LRRC37A2: variants seen among roughly 807,000 people sequenced by gnomAD.
LRRC37A2 encodes leucine rich repeat containing 37 member A2.
LRRC37A2 carries 9 observed loss-of-function variants against 68.8 expected under a neutral mutation model. That is an observed-to-expected ratio of 0.13 (90% confidence interval 0.08 to 0.23). LRRC37A2 has a LOEUF of 0.23. Ranked by LOEUF, LRRC37A2 falls within the 10% of genes least tolerant of loss-of-function variation. The pLI, the probability that LRRC37A2 is intolerant of heterozygous loss-of-function variation, is 1.00. For missense variants in LRRC37A2, 168 were observed against 950.4 expected, an observed-to-expected ratio of 0.18 and a Z score of 10.82; for synonymous variants, 63 against 367.6, an observed-to-expected ratio of 0.17 and a Z score of 9.48.
chr17:46,857,627 G>A, the LRRC37A2 span, among the ~76,000 whole-genome samples: 1 of 152,170 alleles, frequency 6.6e-6, no homozygotes, highest in African/African-American at 2.4e-5. Flanking sequence ...TGTTGGATCA[G>A]ATGGTTGATA....
At chr17:46,906,636 C>T in the LRRC37A2 span, among the ~76,000 whole-genome samples, 1 of 152,222 alleles carries the variant, frequency 6.6e-6, no homozygotes, top group Non-Finnish European at 1.5e-5. Flanking sequence ...ATCATGTGCC[C>T]TTTATAATTA....
chr17:46,865,070 C>T, the LRRC37A2 span, among the ~76,000 whole-genome samples: 6 of 152,182 alleles, frequency 3.9e-5, no homozygotes, highest in Admixed American at 1.3e-4. Context: ...GGGGACCCTC[C>T]GCAGCCACTG....
the LRRC37A2 span, chr17:46,941,054 G>A: frequency 9.2e-7 from 1 of 1,083,462 alleles, no homozygotes; most frequent in Non-Finnish European, 1.1e-6. Flanking sequence ...AGAAACTCCG[G>A]TAGCCAGCCT....
At chr17:46,946,461 CAAAAAAA>C in the LRRC37A2 span, among the ~76,000 whole-genome samples, 1 of 98,994 alleles carries the variant, frequency 1.0e-5, no homozygotes, top group African/African-American at 4.2e-5. Context: ...AACTCCGTCT[CAAAAAAA>C]AAAAAAAAAA....
the LRRC37A2 span, among the ~76,000 whole-genome samples, chr17:46,933,960 A>G: frequency 6.6e-6 from 1 of 151,214 alleles, no homozygotes; most frequent in Non-Finnish European, 1.5e-5. Flanking sequence ...AAAAAACACG[A>G]AACAAACCCC....
exon 10 of LRRC37A2, chr17:46,548,943 G>T: frequency 6.2e-7 from 1 of 1,612,514 alleles, no homozygotes; most frequent in Non-Finnish European, 8.5e-7. Flanking sequence ...TACCACAGGT[G>T]AGAGACAGAT....
At chr17:46,469,623 G>T in the LRRC37A2 span, among the ~76,000 whole-genome samples, 1 of 62,824 alleles carries the variant, frequency 1.6e-5, no homozygotes, top group African/African-American at 5.7e-5. Flanking sequence ...TTATTCAGTT[G>T]TGTATATCTT....
chr17:46,727,883 C>T, the LRRC37A2 span, among the ~76,000 whole-genome samples: 1 of 152,220 alleles, frequency 6.6e-6, no homozygotes, highest in African/African-American at 2.4e-5. Flanking sequence ...TGAGCCCTTC[C>T]TCCTCTGGTA....
At chr17:46,875,613 C>A in the LRRC37A2 span, among the ~76,000 whole-genome samples, 256 of 152,314 alleles carry the variant, frequency 1.7e-3, 2 homozygotes, top group Non-Finnish European at 5.0e-4. Flanking sequence ...GCAGTGGTCA[C>A]CAGTGGGAGC....
chr17:46,930,633 T>G, the LRRC37A2 span: 1 of 157,442 alleles, frequency 6.4e-6, no homozygotes, highest in South Asian at 1.7e-4. Flanking sequence ...CACATACTAA[T>G]CTTCCCCTTC....
chr17:46,794,861 G>A, the LRRC37A2 span, among the ~76,000 whole-genome samples: 1 of 149,232 alleles, frequency 6.7e-6, no homozygotes, highest in African/African-American at 2.5e-5. Context: ...AGTGATTCTC[G>A]TGCCTCAGCC....
the LRRC37A2 span, among the ~76,000 whole-genome samples, chr17:46,751,137 G>A: frequency 6.6e-6 from 1 of 152,140 alleles, no homozygotes; most frequent in Non-Finnish European, 1.5e-5. Flanking sequence ...GACAGCTTTT[G>A]TGCAGAAGCT....
At chr17:46,467,194 A>G in the LRRC37A2 span, among the ~76,000 whole-genome samples, 40 of 57,420 alleles carry the variant, frequency 7.0e-4, 2 homozygotes, top group Non-Finnish European at 1.4e-3. Flanking sequence ...TTGATGAGTA[A>G]TGATGTAATT....
the LRRC37A2 span, among the ~76,000 whole-genome samples, chr17:46,834,221 C>T: frequency 3.2e-3 from 494 of 152,208 alleles, 4 homozygotes; most frequent in Non-Finnish European, 5.2e-3. Context: ...AAATGTCTTA[C>T]TTCCAGAGGG....
chr17:46,768,011 C>T, the LRRC37A2 span, among the ~76,000 whole-genome samples: 2 of 152,214 alleles, frequency 1.3e-5, no homozygotes, highest in Admixed American at 1.3e-4. This position sits in a 1 kb window ranked among gnomAD's most constrained non-coding sequence, Gnocchi z 5.0. Flanking sequence ...CGGTCTCGAA[C>T]TCCTGACCTC....
rs534983454 is a variant in LRRC37A2, at chr17:46,533,518, T to A, written c.2907-6658T>A. On this transcript the variant is annotated intron_variant, in intron 6 of 14. Transcript: ENST00000576629. Reference sequence around the variant, plus strand: ...TTTCTTTTTTTTTTTTTTCTTTATTTTGGGACAGAGTCTCACTCTGTTGCC... The same window carrying A: ...TTTCTTTTTTTTTTTTTTCTTTATTATGGGACAGAGTCTCACTCTGTTGCC... Among the ~76,000 whole-genome samples, 4 of 145,126 alleles carry A rather than the reference T, an allele frequency of 2.8e-5. No homozygotes were observed. The East Asian group carries it at 7.9e-4, about 29-fold the overall frequency.
the LRRC37A2 span, chr17:46,979,033 C>G: frequency 2.2e-6 from 3 of 1,384,988 alleles, no homozygotes; most frequent in Admixed American, 7.7e-5. Flanking sequence ...GGGGTCTCGG[C>G]GCGCAGTCCC....
chr17:46,938,865 G>C, the LRRC37A2 span: 2 of 1,582,806 alleles, frequency 1.3e-6, no homozygotes, highest in Non-Finnish European at 1.7e-6. Flanking sequence ...ATGTTTGCCT[G>C]TCTGAACTGT....
the LRRC37A2 span, among the ~76,000 whole-genome samples, chr17:46,771,719 C>T: frequency 7.7e-5 from 11 of 142,074 alleles, no homozygotes; most frequent in Non-Finnish European, 1.3e-4. Context: ...CCGGCCCCGG[C>T]GCCGGGCCGC....
Sources: allele counts gnomAD v4.1 joint callset (sites outside exome capture counted in the v4.1 genomes callset), GRCh38; gene constraint gnomAD v4.1.1; non-coding constraint Gnocchi (gnomAD v3.1); transcripts MANE v1.5; gene names NCBI Gene and HGNC (gene_info 2026-07-23, HGNC 2026-07-21).